Variants in UNC5D observed in about 807,000 individuals in gnomAD.
UNC5D encodes the protein netrin receptor UNC5D.
Under a neutral mutation model 105.4 loss-of-function variants are expected in UNC5D, and 39 were observed. That is an observed-to-expected ratio of 0.37 (90% CI 0.29 to 0.48). UNC5D has a LOEUF of 0.48. UNC5D is among the 20% of genes least tolerant of loss of function. The probability of loss-of-function intolerance (pLI) is 0.98; values close to 1 mark genes in which losing one functional copy is unlikely to be tolerated. For synonymous variants in UNC5D, 452 were observed against 450.4 expected (o/e 1.00, Z -0.04); for missense variants, 991 against 1,202.4 (o/e 0.82, Z 2.60).
At chr8:35,393,171 C>T (rs1269313169) in intron 1 of UNC5D, among the ~76,000 whole-genome samples, 2 of 112,416 alleles carry the variant, frequency 1.8e-5, no homozygotes, top group African/African-American at 3.4e-5. Flanking sequence ...GTCTCGCTGT[C>T]GCCCAGGCTG....
At chr8:35,604,736 T>C (rs2130945548) in intron 4 of UNC5D, among the ~76,000 whole-genome samples, 1 of 152,306 alleles carries the variant, frequency 6.6e-6, no homozygotes, top group South Asian at 2.1e-4. Context: ...GGAGGCTTTG[T>C]TCGTTTCTTT....
chr8:35,332,848 TAA>T (rs1303564607), intron 1 of UNC5D, among the ~76,000 whole-genome samples: 5 of 152,178 alleles, frequency 3.3e-5, no homozygotes, highest in African/African-American at 9.7e-5. Context: ...ACAAAGAAGA[TAA>T]AGTCTTGATC....
chr8:35,437,651 A>G (rs1432656497), intron 1 of UNC5D, among the ~76,000 whole-genome samples: 1 of 152,012 alleles, frequency 6.6e-6, no homozygotes, highest in African/African-American at 2.4e-5. Context: ...AGTCTTCTGA[A>G]TTATGGTTTG....
At chr8:35,519,888 G>A (rs1373641632) in intron 1 of UNC5D, among the ~76,000 whole-genome samples, 3 of 152,034 alleles carry the variant, frequency 2.0e-5, no homozygotes, top group Non-Finnish European at 4.4e-5. Flanking sequence ...CCACTAGGAT[G>A]GCTATAATCA....
chr8:35,665,639 C>CA (rs1824373517), intron 4 of UNC5D, among the ~76,000 whole-genome samples: 1 of 126,802 alleles, frequency 7.9e-6, no homozygotes, highest in African/African-American at 4.2e-5. Flanking sequence ...GAGAAGGTGC[C>CA]ATTTTTTTTT....
At chr8:35,301,338 A>C (rs1807942692) in intron 1 of UNC5D, among the ~76,000 whole-genome samples, 1 of 152,232 alleles carries the variant, frequency 6.6e-6, no homozygotes, top group Admixed American at 6.5e-5. Context: ...AGGGTAAATT[A>C]ATATCTAGAT....
intron 1 of UNC5D, among the ~76,000 whole-genome samples, chr8:35,429,553 G>A (rs1183750396): frequency 6.6e-6 from 1 of 151,912 alleles, no homozygotes; most frequent in Non-Finnish European, 1.5e-5. Flanking sequence ...TCATTATTTA[G>A]CCATTAAAGA....
intron 4 of UNC5D, among the ~76,000 whole-genome samples, chr8:35,641,367 A>C (rs1481854399): frequency 9.3e-6 from 1 of 107,470 alleles, no homozygotes; most frequent in Non-Finnish European, 1.9e-5. Context: ...AAAATAAAGC[A>C]AAAAAAAAAA....
intron 3 of UNC5D, among the ~76,000 whole-genome samples, chr8:35,571,150 C>G (rs1029617718): frequency 5.3e-5 from 8 of 152,064 alleles, no homozygotes; most frequent in Non-Finnish European, 7.4e-5. Flanking sequence ...TGAGCCTAGC[C>G]CCAGAGAACA....
chr8:35,770,422 C>G (rs57557208), intron 15 of UNC5D, among the ~76,000 whole-genome samples: 5,398 of 152,210 alleles, frequency 0.035, 316 homozygotes, highest in African/African-American at 0.12. Flanking sequence ...ATTTTTCAAA[C>G]AAACCCAGTC....
rs1211145348 is a variant in UNC5D, at chr8:35,469,893, T to G, written c.104-79399T>G. ...TATATGTTAGAGGCCCTTTCTTGGT[T>G]GTACGGGAATGAAGGAAAGGACACT... On this transcript the variant is annotated intron_variant, in intron 1 of 16. Coordinates refer to ENST00000404895, the MANE Select transcript of UNC5D (RefSeq NM_080872.4). Among the ~76,000 whole-genome samples, 12 of 152,186 alleles carry G rather than the reference T, an allele frequency of 7.9e-5. No homozygotes were observed. The East Asian group carries it at 2.1e-3, about 27-fold the overall frequency.
intron 1 of UNC5D, among the ~76,000 whole-genome samples, chr8:35,540,250 C>CT (rs1178329702): frequency 6.6e-6 from 1 of 152,062 alleles, no homozygotes; most frequent in African/African-American, 2.4e-5. Context: ...GCAAGATATT[C>CT]TTTTTTACAT....
intron 1 of UNC5D, among the ~76,000 whole-genome samples, chr8:35,306,998 T>C (rs1244236846): frequency 6.6e-6 from 1 of 152,160 alleles, no homozygotes; most frequent in Admixed American, 6.6e-5. Flanking sequence ...TTGTGAAAAT[T>C]ACAATGATGG....
intron 1 of UNC5D, among the ~76,000 whole-genome samples, chr8:35,408,218 A>G (rs752991808): frequency 2.0e-5 from 3 of 152,206 alleles, no homozygotes; most frequent in Admixed American, 6.5e-5. Flanking sequence ...TTTGTTTTCA[A>G]TGTTTACTTT....
At chr8:35,739,067 T>C (rs775986358) in intron 11 of UNC5D, among the ~76,000 whole-genome samples, 1 of 152,188 alleles carries the variant, frequency 6.6e-6, no homozygotes, top group Non-Finnish European at 1.5e-5. Flanking sequence ...TTTCTGTTAA[T>C]GCAAGGGGGA....
intron 1 of UNC5D, among the ~76,000 whole-genome samples, chr8:35,443,017 G>A (rs2128985267): frequency 6.6e-6 from 1 of 151,728 alleles, no homozygotes; most frequent in East Asian, 2.0e-4. Context: ...AGGACCATTA[G>A]GATCAGGTAG....
chr8:35,411,422 A>G, intron 1 of UNC5D, among the ~76,000 whole-genome samples: 1 of 152,092 alleles, frequency 6.6e-6, no homozygotes, highest in East Asian at 1.9e-4. Context: ...ATTTGAGAGT[A>G]GCAGCACTCT....
intron 1 of UNC5D, among the ~76,000 whole-genome samples, chr8:35,247,013 G>C (rs1268337551): frequency 6.6e-6 from 1 of 152,030 alleles, no homozygotes; most frequent in African/African-American, 2.4e-5. Context: ...AAGGTGTTGA[G>C]GAGTGAAGTT....
At chr8:35,417,562 A>G (rs74598219) in intron 1 of UNC5D, among the ~76,000 whole-genome samples, 3,630 of 152,316 alleles carry the variant, frequency 0.024, 80 homozygotes, top group Non-Finnish European at 0.038. Flanking sequence ...ACATGGAATG[A>G]ATCAGCCAGT....
Sources: allele counts gnomAD v4.1 joint callset (sites outside exome capture counted in the v4.1 genomes callset), GRCh38; gene constraint gnomAD v4.1.1; transcripts MANE v1.5; gene names NCBI Gene and HGNC (gene_info 2026-07-23, HGNC 2026-07-21).